Variants in PACRG observed in about 807,000 individuals in gnomAD.
PACRG encodes parkin coregulated gene protein.
PACRG carries 29 observed loss-of-function variants against 29.7 expected under a neutral mutation model. That is an observed-to-expected ratio of 0.98 (90% confidence interval 0.73 to 1.33). The LOEUF is 1.33. PACRG is among the 40% of genes most tolerant of loss of function. The probability of loss-of-function intolerance (pLI) is 0.00; values close to 1 mark genes in which losing one functional copy is unlikely to be tolerated. For missense variants in PACRG, 279 were observed against 316.2 expected, an observed-to-expected ratio of 0.88 and a Z score of 0.89; for synonymous variants, 116 against 118.7, an observed-to-expected ratio of 0.98 and a Z score of 0.15.
intron 2 of PACRG, among the ~76,000 whole-genome samples, chr6:162,844,528 C>G (rs569033899): frequency 2.0e-5 from 3 of 152,192 alleles, no homozygotes; most frequent in African/African-American, 7.2e-5. Context: ...CCGGTACCTC[C>G]GATGGAAATG....
At chr6:163,135,354 A>G (rs1585254280) in intron 4 of PACRG, among the ~76,000 whole-genome samples, 1 of 152,036 alleles carries the variant, frequency 6.6e-6, no homozygotes, top group African/African-American at 2.4e-5. Context: ...ATGCCTGGCT[A>G]ATTTTTGTAT....
chr6:163,036,645 A>T (rs192830516), intron 2 of PACRG, among the ~76,000 whole-genome samples: 48 of 152,330 alleles, frequency 3.2e-4, no homozygotes, highest in Admixed American at 1.9e-3. Context: ...GATTGAAATG[A>T]GGGATTTAAA....
chr6:163,250,125 G>T (rs1021667448), intron 4 of PACRG, among the ~76,000 whole-genome samples: 1 of 152,222 alleles, frequency 6.6e-6, no homozygotes, highest in African/African-American at 2.4e-5. Flanking sequence ...GGAAACAACA[G>T]TTGCACCATT....
At chr6:163,158,518 C>T (rs1778413152) in intron 4 of PACRG, among the ~76,000 whole-genome samples, 1 of 152,148 alleles carries the variant, frequency 6.6e-6, no homozygotes, top group Admixed American at 6.5e-5. Flanking sequence ...ACGTGAATTA[C>T]AGTAGGATGT....
chr6:163,289,480 T>C (rs1784508958), intron 4 of PACRG, among the ~76,000 whole-genome samples: 1 of 152,218 alleles, frequency 6.6e-6, no homozygotes, highest in Non-Finnish European at 1.5e-5. Flanking sequence ...TATTTATTTC[T>C]AAATATTTTT....
At chr6:163,129,256 G>T (rs544268258) in intron 4 of PACRG, among the ~76,000 whole-genome samples, 1 of 152,352 alleles carries the variant, frequency 6.6e-6, no homozygotes, top group East Asian at 1.9e-4. Context: ...TCAAATTCCA[G>T]AACCCCTGCT....
intron 3 of PACRG, among the ~76,000 whole-genome samples, chr6:163,080,222 G>A (rs1812958070): frequency 6.6e-6 from 1 of 152,008 alleles, no homozygotes; most frequent in Non-Finnish European, 1.5e-5. Flanking sequence ...AAGTAGTGGT[G>A]CATGATGCAG....
intron 4 of PACRG, among the ~76,000 whole-genome samples, chr6:163,290,832 G>A (rs902691764): frequency 6.6e-6 from 1 of 152,188 alleles, no homozygotes; most frequent in African/African-American, 2.4e-5. Context: ...GAAATCGGAT[G>A]CGCATGAGTT....
chr6:163,244,219 A>ATT (rs151258124), intron 4 of PACRG, among the ~76,000 whole-genome samples: 12,537 of 151,854 alleles, frequency 0.083, 1,013 homozygotes, highest in East Asian at 0.21. Context: ...CATTTAAATC[A>ATT]TTTTTTTTCC....
intron 4 of PACRG, among the ~76,000 whole-genome samples, chr6:163,258,002 T>A (rs1201144386): frequency 6.6e-6 from 1 of 152,302 alleles, no homozygotes; most frequent in South Asian, 2.1e-4. Context: ...TAAGCACAAA[T>A]AATTATCTTT....
At chr6:163,249,901 C>A (rs1782837850) in intron 4 of PACRG, among the ~76,000 whole-genome samples, 1 of 152,158 alleles carries the variant, frequency 6.6e-6, no homozygotes, top group South Asian at 2.1e-4. Flanking sequence ...GGAAGTGACG[C>A]CAGCTGGCCA....
rs565644394 is a variant in PACRG at position 163,244,994 on chromosome 6, C to T, written c.614-69833C>T. On this transcript the variant is annotated intron_variant, in intron 4 of 4. Coordinates refer to ENST00000366888, the MANE Select transcript of PACRG (RefSeq NM_001080379.2). ...TCCATGTTAGCGAAGTGGGGAGGTC[C>T]AGACTTGCTCCTTGTCTTTCTACCA... The T allele has an allele frequency of 1.9e-3, 862 of 454,366 alleles. 18 individuals are homozygous for T. The highest frequency in any genetic ancestry group is 0.013 in the South Asian group (829 of 64,154). 28.1% of individuals were successfully genotyped at this position (454,366 alleles called of 1,614,324 possible). A position where few individuals can be genotyped will look rare whatever the true frequency, so the allele number is the denominator to read the frequency against.
intron 2 of PACRG, among the ~76,000 whole-genome samples, chr6:163,002,714 G>C (rs1804699037): frequency 6.6e-6 from 1 of 152,174 alleles, no homozygotes; most frequent in Non-Finnish European, 1.5e-5. Flanking sequence ...TAGAGGAAAA[G>C]ATTACTGTAG....
chr6:163,194,354 C>T (rs1157674795), intron 4 of PACRG, among the ~76,000 whole-genome samples: 3 of 151,802 alleles, frequency 2.0e-5, no homozygotes, highest in Non-Finnish European at 4.4e-5. Context: ...TTCTCTCCCC[C>T]TCTCTCCCTC....
chr6:163,298,845 T>C (rs6455889), intron 4 of PACRG, among the ~76,000 whole-genome samples: 69,640 of 152,028 alleles, frequency 0.46, 19,035 homozygotes, highest in African/African-American at 0.78. Flanking sequence ...CACTGCACGT[T>C]CTTCTCAAGC....
intron 1 of PACRG, among the ~76,000 whole-genome samples, chr6:162,758,907 C>A (rs2128288472): frequency 6.6e-6 from 1 of 152,114 alleles, no homozygotes; most frequent in Admixed American, 6.5e-5. Flanking sequence ...AATATTTAAG[C>A]ATATTTCACT....
chr6:162,727,936 C>A (rs1220010971), upstream of PACRG: 2 of 590,416 alleles, frequency 3.4e-6, no homozygotes, highest in African/African-American at 1.9e-5. Flanking sequence ...CTTACGTCAC[C>A]GGGGGGCGGG....
At chr6:163,095,323 C>G in intron 4 of PACRG, 2 of 985,202 alleles carry the variant, frequency 2.0e-6, no homozygotes, top group Non-Finnish European at 1.2e-6. Flanking sequence ...TCTATGTGCT[C>G]TTCTCTGTAG....
At chr6:162,861,655 C>T (rs1317789447) in intron 2 of PACRG, among the ~76,000 whole-genome samples, 1 of 152,170 alleles carries the variant, frequency 6.6e-6, no homozygotes, top group Admixed American at 6.5e-5. Flanking sequence ...TCTGCCTCAC[C>T]ACCCACCTCT....
Sources: gnomAD v4.1 joint callset for allele counts (sites outside exome capture counted in the v4.1 genomes callset) on GRCh38, gnomAD v4.1.1 for gene constraint, MANE v1.5 for transcripts, NCBI Gene and HGNC (gene_info 2026-07-23, HGNC 2026-07-21) for gene names.